SAMHD1: variants seen among roughly 807,000 people sequenced by gnomAD.
SAMHD1 encodes deoxynucleoside triphosphate triphosphohydrolase SAMHD1.
SAMHD1 carries 54 observed loss-of-function variants against 79.6 expected under a neutral mutation model. That is an observed-to-expected ratio of 0.68 (90% CI 0.55 to 0.85). SAMHD1 has a LOEUF of 0.85. Ranked by LOEUF, SAMHD1 falls within the 40% of genes least tolerant of loss-of-function variation. The pLI, the probability that SAMHD1 is intolerant of heterozygous loss-of-function variation, is 0.00. For missense variants in SAMHD1, 663 were observed against 782.7 expected, an observed-to-expected ratio of 0.85 and a Z score of 1.82; for synonymous variants, 260 against 264.1, an observed-to-expected ratio of 0.98 and a Z score of 0.15.
chr20:36,905,434 T>A lies in SAMHD1; in HGVS notation c.1340A>T (p.Gln447Leu), dbSNP rs2063399299. Residue 447 changes from glutamine to leucine, a missense_variant, in exon 12 of 16, where the codon CAA (glutamine) becomes CTA (leucine). Transcript: ENST00000646673. ...KLKDAREILK[Q>L]IEYRNLFKYV... ...CTTGAATAGATTACGGTATTCAATT[T>A]GTTTTAAAATCTCTCGTGCGTCTTT... The A allele has an allele frequency of 1.9e-6, 3 of 1,613,750 alleles. No homozygotes were observed. The highest frequency in any genetic ancestry group is 1.6e-4 in the Middle Eastern group (1 of 6,082).
At chr20:36,938,105 T>C (rs2063616645) in intron 3 of SAMHD1, among the ~76,000 whole-genome samples, 2 of 152,158 alleles carry the variant, frequency 1.3e-5, no homozygotes. Flanking sequence ...AGGGCTCAAG[T>C]GATCCACCTA....
intron 1 of SAMHD1, 56 bp downstream of exon 1, chr20:36,951,380 C>T (rs2063733390): frequency 6.2e-7 from 1 of 1,606,512 alleles, no homozygotes; most frequent in Non-Finnish European, 8.5e-7. Flanking sequence ...CTCAGGGCGC[C>T]TGGCCCGCGC....
At chr20:36,918,419 A>C (rs1171088185) in intron 7 of SAMHD1, among the ~76,000 whole-genome samples, 3 of 150,544 alleles carry the variant, frequency 2.0e-5, no homozygotes, top group African/African-American at 7.3e-5. Flanking sequence ...AGGAGTTCGA[A>C]ACCAGCTTAG....
intron 4 of SAMHD1, among the ~76,000 whole-genome samples, chr20:36,933,639 C>T (rs898991393): frequency 1.6e-4 from 24 of 151,894 alleles, no homozygotes; most frequent in Admixed American, 1.4e-3. Flanking sequence ...CTGCAGCGTG[C>T]GCCACCACGC....
chr20:36,910,268 G>A (rs891440818), intron 11 of SAMHD1, among the ~76,000 whole-genome samples: 1 of 149,722 alleles, frequency 6.7e-6, no homozygotes, highest in African/African-American at 2.5e-5. Context: ...CATGCCTATA[G>A]TCCCAAGTAG....
rs181080699 is a variant in SAMHD1, at chr20:36,941,987, C to T, written c.276-876G>A. 1.9e-3 allele frequency among the ~76,000 whole-genome samples: 287 copies of T among 152,246 alleles called. 1 individual carries two copies. Among genetic ancestry groups the T allele is most frequent in the African/African-American group, 6.4e-3 (267 of 41,532 alleles). Reference sequence around the variant, plus strand: ...GTGTAAAGCCAGGCTTTCAGAAGTACTTATAGGTGGACTTAGTTTAAGGGG... The same window carrying T: ...GTGTAAAGCCAGGCTTTCAGAAGTATTTATAGGTGGACTTAGTTTAAGGGG... On this transcript the variant is annotated intron_variant, in intron 2 of 15. Coordinates refer to ENST00000646673, the MANE Select transcript of SAMHD1 (RefSeq NM_015474.4).
chr20:36,912,503 C>G lies in SAMHD1; in HGVS notation c.1112G>C (p.Arg371Pro), dbSNP rs1482152853. ...DMFHTRNSLH[R>P]RAYQHKVGNI... ...GCCAACTTTGTGTTGATAAGCTCTA[C>G]GGTGTAAAGAGTTGCGAGTGTGGAA... The change falls in exon 10 of 16, where the codon CGT (arginine) becomes CCT (proline). Residue 371 changes from arginine (R) to proline (P), a missense_variant. Coordinates refer to ENST00000646673, the MANE Select transcript of SAMHD1 (RefSeq NM_015474.4). The G allele has an allele frequency of 6.2e-7, 1 of 1,613,090 alleles. No homozygotes were observed. The highest frequency in any genetic ancestry group is 8.5e-7 in the Non-Finnish European group (1 of 1,179,332).
chr20:36,898,060 A>AG, intron 14 of SAMHD1, 101 bp from the exon 15 acceptor site: 1 of 1,432,646 alleles, frequency 7.0e-7, no homozygotes. Flanking sequence ...TTGAGACAAG[A>AG]TCTCCCTGTC....
chr20:36,928,636 G>C (rs1404626523), intron 5 of SAMHD1, among the ~76,000 whole-genome samples: 2 of 151,080 alleles, frequency 1.3e-5, no homozygotes, highest in Non-Finnish European at 2.9e-5. Flanking sequence ...AGTGAGCCGA[G>C]ATTGCGCCAC....
At chr20:36,928,708 A>G (rs1369866370) in intron 5 of SAMHD1, among the ~76,000 whole-genome samples, 3 of 149,092 alleles carry the variant, frequency 2.0e-5, no homozygotes, top group Admixed American at 6.7e-5. Context: ...AAGAAAATCC[A>G]CTGGGGTGCA....
chr20:36,912,384 TCTAGTTGAG>T, intron 10 of SAMHD1, 68 bp downstream of exon 10: 1 of 851,946 alleles, frequency 1.2e-6, no homozygotes, highest in Non-Finnish European at 2.0e-6. Context: ...TCTAGAAATG[TCTAGTTGAG>T]CCTAGTATGA....
chr20:36,916,286 T>C (rs990145509), intron 9 of SAMHD1, among the ~76,000 whole-genome samples: 1 of 152,074 alleles, frequency 6.6e-6, no homozygotes, highest in African/African-American at 2.4e-5. Flanking sequence ...TAATAGTATC[T>C]ATCTCACAGG....
intron 9 of SAMHD1, among the ~76,000 whole-genome samples, chr20:36,913,944 G>C (rs2063460129): frequency 6.6e-6 from 1 of 151,844 alleles, no homozygotes; most frequent in African/African-American, 2.4e-5. Context: ...AGTAGAGACA[G>C]GGTTTCACTA....
intron 1 of SAMHD1, among the ~76,000 whole-genome samples, chr20:36,948,987 G>T (rs113763188): frequency 1.5e-4 from 23 of 151,876 alleles, no homozygotes; most frequent in African/African-American, 5.6e-4. Context: ...TAGGCCGGCC[G>T]GGCGCGGTGG....
intron 2 of SAMHD1, among the ~76,000 whole-genome samples, chr20:36,943,082 T>C (rs567313106): frequency 3.8e-4 from 58 of 152,252 alleles, no homozygotes; most frequent in African/African-American, 1.3e-3. Flanking sequence ...AGCTTGCAAG[T>C]AATTAATCTT....
intron 2 of SAMHD1, among the ~76,000 whole-genome samples, chr20:36,945,303 C>T (rs1266866979): frequency 6.6e-6 from 1 of 152,176 alleles, no homozygotes; most frequent in Admixed American, 6.6e-5. Flanking sequence ...ATCCATTTTA[C>T]AGGTACAGAA....
At chr20:36,903,265 T>C (rs1217373365) in intron 13 of SAMHD1, among the ~76,000 whole-genome samples, 1 of 151,358 alleles carries the variant, frequency 6.6e-6, no homozygotes, top group Non-Finnish European at 1.5e-5. Flanking sequence ...GGTGCAGTGC[T>C]GTCTCGCTCT....
At chr20:36,943,826 T>C (rs533185890) in intron 2 of SAMHD1, among the ~76,000 whole-genome samples, 1 of 152,218 alleles carries the variant, frequency 6.6e-6, no homozygotes, top group South Asian at 2.1e-4. Context: ...ACGCCTGTAA[T>C]CCCAGCACTT....
intron 13 of SAMHD1, 195 bp downstream of exon 13, chr20:36,903,962 A>C (rs1358471558): frequency 5.4e-6 from 3 of 559,590 alleles, no homozygotes; most frequent in Non-Finnish European, 9.6e-6. Context: ...CATGACCACA[A>C]TTATATTAAA....
Sources: gnomAD v4.1 joint callset for allele counts (sites outside exome capture counted in the v4.1 genomes callset) on GRCh38, gnomAD v4.1.1 for gene constraint, MANE v1.5 for transcripts, NCBI Gene and HGNC (gene_info 2026-07-23, HGNC 2026-07-21) for gene names.